Variants in ERC1 observed in about 807,000 individuals in gnomAD.
ERC1 encodes the protein ELKS/RAB6-interacting/CAST family member 1, also known as RAB6 interacting protein 2.
Under a neutral mutation model 132.0 loss-of-function variants are expected in ERC1, and 56 were observed. The ratio of observed to expected loss-of-function variants is 0.42; its 90% CI spans 0.34 to 0.53. ERC1 has a LOEUF of 0.53. Ranked by LOEUF, ERC1 falls within the 20% of genes least tolerant of loss-of-function variation. The pLI, the probability that ERC1 is intolerant of heterozygous loss-of-function variation, is 0.03. For missense variants in ERC1, 1,202 were observed against 1,349.9 expected (o/e 0.89, Z 1.72); for synonymous variants, 478 against 476.1 (o/e 1.00, Z -0.05).
At chr12:1,226,711 C>CT (rs1334589811) in intron 12 of ERC1, among the ~76,000 whole-genome samples, 8 of 152,164 alleles carry the variant, frequency 5.3e-5, no homozygotes, top group Admixed American at 3.3e-4. Context: ...CAGTCTCACT[C>CT]TGTCACCCAG....
intron 12 of ERC1, among the ~76,000 whole-genome samples, chr12:1,214,832 A>G (rs1175322449): frequency 1.3e-5 from 2 of 152,182 alleles, no homozygotes; most frequent in Admixed American, 1.3e-4. Flanking sequence ...CATTATTCCC[A>G]TGTCATAAAT....
chr12:1,293,734 C>T (rs2079678646), intron 15 of ERC1, among the ~76,000 whole-genome samples: 1 of 151,530 alleles, frequency 6.6e-6, no homozygotes, highest in African/African-American at 2.4e-5. Flanking sequence ...AATAGTTAAC[C>T]AAATTATATC....
At position 1,494,040 on chromosome 12, in the gene ERC1, G is replaced by C. The variant is rs1272359923; in HGVS notation, c.*3810G>C. 8.6e-6 allele frequency: 2 copies of C among 232,336 alleles called. No homozygotes were observed. Among genetic ancestry groups the C allele is most frequent in the African/African-American group, 2.2e-5 (1 of 45,238 alleles). 14.4% of individuals were successfully genotyped at this position (232,336 alleles called of 1,614,324 possible). ...CCCTCCTGTTGACCATGTTACTTGA[G>C]TGTAGGCCCGGTGTCAAGACCCTCA... On this transcript the variant is annotated 3_prime_UTR_variant, in exon 19 of 19. Coordinates refer to ENST00000360905, the MANE Select transcript of ERC1 (RefSeq NM_178040.4).
intron 7 of ERC1, among the ~76,000 whole-genome samples, chr12:1,123,568 A>G (rs955358886): frequency 2.6e-5 from 4 of 152,228 alleles, no homozygotes; most frequent in African/African-American, 9.6e-5. Context: ...GGCCTTCCCA[A>G]ATATGATTTA....
At chr12:1,174,004 A>T (rs543495412) in intron 8 of ERC1, among the ~76,000 whole-genome samples, 15 of 151,402 alleles carry the variant, frequency 9.9e-5, no homozygotes, top group Admixed American at 2.6e-4. Context: ...GTGATGCTGC[A>T]TTCAGTGGGG....
At chr12:1,304,069 A>G (rs542143922) in intron 15 of ERC1, among the ~76,000 whole-genome samples, 2 of 151,138 alleles carry the variant, frequency 1.3e-5, no homozygotes, top group East Asian at 1.9e-4. Flanking sequence ...TTTTTAACCT[A>G]TTTAGGGTGT....
intron 1 of ERC1, among the ~76,000 whole-genome samples, chr12:1,018,451 G>A (rs1325183725): frequency 3.9e-5 from 6 of 152,202 alleles, no homozygotes; most frequent in African/African-American, 1.4e-4. Context: ...CTGACCTCAA[G>A]TGATCCGCCT....
chr12:1,040,596 G>A (rs768519156), intron 2 of ERC1, among the ~76,000 whole-genome samples: 14 of 152,040 alleles, frequency 9.2e-5, no homozygotes, highest in Non-Finnish European at 1.9e-4. Context: ...GTGAGCCACC[G>A]TGCCCGGCCT....
intron 12 of ERC1, among the ~76,000 whole-genome samples, chr12:1,204,287 A>G (rs1957165438): frequency 1.3e-5 from 2 of 152,102 alleles, no homozygotes; most frequent in Admixed American, 1.3e-4. Flanking sequence ...TTTCATTAAA[A>G]TACAATGGTG....
chr12:1,126,808 T>C (rs1162965425), intron 7 of ERC1, among the ~76,000 whole-genome samples: 1 of 151,862 alleles, frequency 6.6e-6, no homozygotes, highest in Non-Finnish European at 1.5e-5. Flanking sequence ...GCCAACATGG[T>C]GAAACCCCGT....
Position 1,121,649 on chromosome 12 carries a change from CTCTATCTCTATCTCTATCTCTATCTCTA to C in ERC1, c.1569+5648_1569+5675del, listed in dbSNP as rs1566011437. Among the ~76,000 whole-genome samples the C allele has an allele frequency of 0.023, 343 of 14,986 alleles. 44 individuals are homozygous for C. The East Asian group carries it at 0.51, about 22-fold the overall frequency. 9.8% of individuals were successfully genotyped at this position (14,986 alleles called of 152,430 possible). A position where few individuals can be genotyped will look rare whatever the true frequency, so the allele number is the denominator to read the frequency against. ...TGAAACAAAGGCTGATGATCTCTAT[CTCTATCTCTATCTCTATCTCTATCTCTA>C]TCTATCTCTATCTCTATCTCTATCT... On this transcript the variant is annotated intron_variant, in intron 7 of 18. Transcript: ENST00000360905.
chr12:1,170,284 ATTG>A (rs1952911285), intron 8 of ERC1, among the ~76,000 whole-genome samples: 1 of 152,186 alleles, frequency 6.6e-6, no homozygotes, highest in Non-Finnish European at 1.5e-5. Context: ...CTAGCCTTTT[ATTG>A]TTAAGTGTTT....
chr12:1,171,162 G>A (rs368738566), intron 8 of ERC1, among the ~76,000 whole-genome samples: 10 of 152,168 alleles, frequency 6.6e-5, no homozygotes, highest in African/African-American at 1.4e-4. Context: ...CTTGCTACCC[G>A]ACATCTTTGC....
chr12:1,016,512 T>C (rs1339672240), intron 1 of ERC1, among the ~76,000 whole-genome samples: 1 of 152,152 alleles, frequency 6.6e-6, no homozygotes, highest in Non-Finnish European at 1.5e-5. Context: ...ATAATCATTG[T>C]GGGTAGAAGT....
At chr12:1,327,875 TTCA>T (rs1295828962) in intron 15 of ERC1, among the ~76,000 whole-genome samples, 1 of 152,070 alleles carries the variant, frequency 6.6e-6, no homozygotes, top group African/African-American at 2.4e-5. Context: ...CCTCAGTATC[TTCA>T]TCATCAAGAA....
chr12:1,328,453 T>C (rs2082617790), intron 15 of ERC1, among the ~76,000 whole-genome samples: 2 of 152,194 alleles, frequency 1.3e-5, no homozygotes, highest in Admixed American at 6.5e-5. Flanking sequence ...CTTAATACTT[T>C]TGAAAACACG....
intron 12 of ERC1, among the ~76,000 whole-genome samples, chr12:1,190,732 T>G (rs1955636176): frequency 6.6e-6 from 1 of 152,120 alleles, no homozygotes; most frequent in African/African-American, 2.4e-5. Flanking sequence ...ACCTCTTCTT[T>G]TACACCACAT....
At chr12:1,096,484 C>T (rs1480231737) in intron 3 of ERC1, among the ~76,000 whole-genome samples, 5 of 152,038 alleles carry the variant, frequency 3.3e-5, no homozygotes, top group East Asian at 1.9e-4. Flanking sequence ...ATTTAAAGTT[C>T]GACACTCATT....
intron 2 of ERC1, among the ~76,000 whole-genome samples, chr12:1,032,331 G>GA (rs1298368155): frequency 1.3e-5 from 2 of 152,202 alleles, no homozygotes; most frequent in Admixed American, 6.5e-5. Context: ...TTATAGGCAG[G>GA]AGCCACTGCG....
Sources: allele counts gnomAD v4.1 joint callset (sites outside exome capture counted in the v4.1 genomes callset), GRCh38; gene constraint gnomAD v4.1.1; transcripts MANE v1.5; gene names NCBI Gene and HGNC (gene_info 2026-07-23, HGNC 2026-07-21).